GSN: variants seen among roughly 807,000 people sequenced by gnomAD.
GSN encodes the protein gelsolin.
A neutral mutation model predicts 85.7 loss-of-function variants in GSN; 56 were observed. That is an observed-to-expected ratio of 0.65 (90% CI 0.53 to 0.82). The LOEUF (loss-of-function observed/expected upper bound fraction) is 0.82, where lower values mean the gene tolerates loss of function less well. Ranked by LOEUF, GSN falls within the 40% of genes least tolerant of loss-of-function variation. The probability of loss-of-function intolerance (pLI) is 0.00; values close to 1 mark genes in which losing one functional copy is unlikely to be tolerated. For synonymous variants in GSN, 373 were observed against 399.1 expected, an observed-to-expected ratio of 0.93 and a Z score of 0.78; for missense variants, 857 against 979.8, an observed-to-expected ratio of 0.87 and a Z score of 1.67.
chr9:121,296,559 C>T (rs1328146897), intron 2 of GSN, among the ~76,000 whole-genome samples: 1 of 152,142 alleles, frequency 6.6e-6, no homozygotes, highest in Non-Finnish European at 1.5e-5. Flanking sequence ...GCATCAGGCC[C>T]TACCCTGTAT....
intron 5 of GSN, chr9:121,239,788 C>G (rs1018444109): frequency 7.8e-6 from 2 of 255,658 alleles, no homozygotes; most frequent in Admixed American, 4.0e-5. Context: ...ATCCCCAGTC[C>G]CTTGAAATAC....
chr9:121,302,830 G>A (rs2060024953), intron 3 of GSN, 81 bp from the exon 4 acceptor site: 2 of 1,409,634 alleles, frequency 1.4e-6, no homozygotes, highest in Non-Finnish European at 2.0e-6. Context: ...GCAGTGCTGG[G>A]GTTCCTCCTC....
intron 4 of GSN, among the ~76,000 whole-genome samples, chr9:121,230,961 T>G (rs539085686): frequency 1.1e-4 from 16 of 152,330 alleles, no homozygotes; most frequent in Admixed American, 7.8e-4. Flanking sequence ...ATCTCTTCAC[T>G]GCAAACTTCA....
At chr9:121,304,307 C>G (rs1226754570) in intron 4 of GSN, among the ~76,000 whole-genome samples, 1 of 152,242 alleles carries the variant, frequency 6.6e-6, no homozygotes, top group Non-Finnish European at 1.5e-5. Context: ...GCCCCTTGTG[C>G]CCTTGCACTG....
At chr9:121,304,379 T>C (rs913777726) in intron 4 of GSN, among the ~76,000 whole-genome samples, 4 of 152,220 alleles carry the variant, frequency 2.6e-5, no homozygotes, top group African/African-American at 4.8e-5. Context: ...GGGGCCTTGA[T>C]ACCTTGCAGA....
At chr9:121,244,271 G>C (rs1049240126) in intron 5 of GSN, among the ~76,000 whole-genome samples, 1 of 152,188 alleles carries the variant, frequency 6.6e-6, no homozygotes, top group Non-Finnish European at 1.5e-5. Flanking sequence ...CTAGTTTTTG[G>C]TGATTATGAA....
chr9:121,273,150 G>T lies in GSN; in HGVS notation c.-103+4931G>T, dbSNP rs533772354. The stretch of plus-strand genomic sequence containing the variant: ...GAAAGGCTTTAAGCCATGGAGCCTC[G>T]CAGGGAACTCCAGTGAAGGGGTCGC... On this transcript the variant is annotated intron_variant, in intron 1 of 17. Coordinates refer to ENST00000432226, the MANE Select transcript of GSN (RefSeq NM_198252.3). 3.3e-5 allele frequency among the ~76,000 whole-genome samples: 5 copies of T among 152,252 alleles called. No homozygotes were observed. In the South Asian group the frequency reaches 1.0e-3, roughly 32 times the overall value.
chr9:121,205,786 T>G (rs189011285), upstream of GSN, among the ~76,000 whole-genome samples: 5 of 152,160 alleles, frequency 3.3e-5, no homozygotes, highest in Admixed American at 2.0e-4. Flanking sequence ...TTTTTATAAA[T>G]TGTTTTGTAA....
intron 5 of GSN, among the ~76,000 whole-genome samples, chr9:121,231,818 A>C (rs2054393395): frequency 6.6e-6 from 1 of 152,172 alleles, no homozygotes; most frequent in Admixed American, 6.5e-5. Context: ...AGTAGCTCAC[A>C]CCTGTAATCC....
rs753716352 is a variant in GSN, at chr9:121,328,899, TGGGA to T, written c.1774_1777del (p.Glu592ProfsTer14). ...GTGGCCTCCCCTCACAGATGGCTTCTGGGAGGCCCTGGGCGGGAAGGCTGCCTAC... is the reference window on the plus strand; with the variant it reads ...GTGGCCTCCCCTCACAGATGGCTTCTGGCCCTGGGCGGGAAGGCTGCCTAC... On this transcript the variant is annotated frameshift_variant, in exon 15 of 18. Coordinates refer to ENST00000432226, the MANE Select transcript of GSN (RefSeq NM_198252.3). LOFTEE classifies it high-confidence loss of function. 5.0e-6 allele frequency: 8 copies of T among 1,611,640 alleles called. No homozygotes were observed. The highest frequency in any genetic ancestry group is 5.1e-6 in the Non-Finnish European group (6 of 1,179,988).
chr9:121,203,953 T>G (rs1441566768), upstream of GSN, among the ~76,000 whole-genome samples: 1 of 152,228 alleles, frequency 6.6e-6, no homozygotes, highest in Admixed American at 6.5e-5. Context: ...TAGTTTGTTG[T>G]CACACTTTAA....
intron 13 of GSN, 39 bp downstream of exon 13, chr9:121,326,721 C>G: frequency 1.3e-6 from 2 of 1,539,784 alleles, no homozygotes; most frequent in Non-Finnish European, 1.8e-6. Flanking sequence ...GGATTGGCCT[C>G]CCTGAAACCT....
intron 4 of GSN, among the ~76,000 whole-genome samples, chr9:121,228,235 C>A (rs1361392300): frequency 2.6e-5 from 4 of 151,742 alleles, no homozygotes; most frequent in African/African-American, 9.7e-5. Flanking sequence ...ACCCTGCACA[C>A]CCGAGGTGCT....
chr9:121,272,468 T>C, intron 1 of GSN, among the ~76,000 whole-genome samples: 1 of 152,330 alleles, frequency 6.6e-6, no homozygotes, highest in African/African-American at 2.4e-5. Context: ...GCCTCTGAGT[T>C]GGAGGGCTTT....
At chr9:121,257,524 C>T (rs1190438859) in intron 6 of GSN, among the ~76,000 whole-genome samples, 1 of 152,212 alleles carries the variant, frequency 6.6e-6, no homozygotes. Flanking sequence ...GCTCATTGAA[C>T]TCTCAAGAAT....
chr9:121,320,043 A>G (rs1481045792), intron 10 of GSN, among the ~76,000 whole-genome samples: 1 of 152,124 alleles, frequency 6.6e-6, no homozygotes, highest in African/African-American at 2.4e-5. Context: ...CGGTGTGGTA[A>G]GACCCCTGGC....
intron 6 of GSN, chr9:121,248,455 TCTC>T (rs2054747616): frequency 6.6e-6 from 1 of 152,204 alleles, no homozygotes. Context: ...TTCCTTTTTC[TCTC>T]CTCCTCTCCC....
rs966280341 is a variant in GSN at position 121,256,735 on chromosome 9, A to C, written c.-341+8412A>C. Among the ~76,000 whole-genome samples, 8 of 152,148 alleles carry C rather than the reference A, an allele frequency of 5.3e-5. No homozygotes were observed. In the East Asian group the frequency reaches 1.4e-3, roughly 26 times the overall value. ...TCTACTAAAAATACAACAACAAAAA[A>C]AAAATTAGCTGGCCGTGGTGGCGGA... On this transcript the variant is annotated intron_variant, in intron 6 of 24. Transcript: ENST00000373823.
intron 4 of GSN, among the ~76,000 whole-genome samples, chr9:121,228,759 A>G (rs1343070642): frequency 6.6e-6 from 1 of 152,120 alleles, no homozygotes; most frequent in East Asian, 1.9e-4. Flanking sequence ...TCAGATAAAC[A>G]GACAAGTTGA....
Sources: gnomAD v4.1 joint callset for allele counts (sites outside exome capture counted in the v4.1 genomes callset) on GRCh38, gnomAD v4.1.1 for gene constraint, MANE v1.5 for transcripts, NCBI Gene and HGNC (gene_info 2026-07-23, HGNC 2026-07-21) for gene names.